Variants in CENPM observed in about 807,000 individuals in gnomAD.
CENPM encodes interphase centromere complex protein 39.
CENPM carries 14 observed loss-of-function variants against 19.6 expected under a neutral mutation model. The ratio of observed to expected loss-of-function variants is 0.71; its 90% confidence interval spans 0.47 to 1.11. The LOEUF (loss-of-function observed/expected upper bound fraction) is 1.11. CENPM is among the 50% of genes most tolerant of loss of function. The pLI, the probability that CENPM is intolerant of heterozygous loss-of-function variation, is 0.00. For synonymous variants in CENPM, 114 were observed against 101.5 expected, an observed-to-expected ratio of 1.12 and a Z score of -0.74; for missense variants, 239 against 228.4, an observed-to-expected ratio of 1.05 and a Z score of -0.30.
the CENPM span, among the ~76,000 whole-genome samples, chr22:41,931,031 T>C: frequency 6.6e-6 from 1 of 151,454 alleles, no homozygotes; most frequent in Non-Finnish European, 1.5e-5. Flanking sequence ...AGACGGGGCT[T>C]CACCATGTTG....
chr22:41,946,285 C>T (rs1761346641), intron 2 of CENPM, 132 bp downstream of exon 2: 1 of 796,644 alleles, frequency 1.3e-6, no homozygotes, highest in Non-Finnish European at 2.1e-6. Context: ...TGGGACTAGC[C>T]AGCTACGCTG....
chr22:41,928,871 T>C, the CENPM span, among the ~76,000 whole-genome samples: 19 of 148,024 alleles, frequency 1.3e-4, no homozygotes, highest in African/African-American at 4.6e-4. This position sits in a 1 kb window ranked among gnomAD's most constrained non-coding sequence, Gnocchi z 4.0. Context: ...CAGGGGATGA[T>C]GCAGCGGCTG....
chr22:41,935,043 T>G (rs1353979715), downstream of CENPM, among the ~76,000 whole-genome samples: 1 of 152,220 alleles, frequency 6.6e-6, no homozygotes, highest in Non-Finnish European at 1.5e-5. Context: ...GTGGCTCAGC[T>G]CTGCTGTGAG....
At chr22:41,945,510 G>T in intron 3 of CENPM, 1 of 1,053,662 alleles carries the variant, frequency 9.5e-7, no homozygotes, top group Non-Finnish European at 1.3e-6. Context: ...GAGTGCAGTA[G>T]CGCGATCTTG....
chr22:41,946,923 C>T (rs1602395751), intron 1 of CENPM, 97 bp downstream of exon 1: 6 of 1,262,786 alleles, frequency 4.8e-6, no homozygotes, highest in Non-Finnish European at 6.9e-6. Flanking sequence ...CGGTAGCGCG[C>T]GCTGGCTTGG....
downstream of CENPM, among the ~76,000 whole-genome samples, chr22:41,934,210 G>T (rs1041815883): frequency 2.6e-5 from 4 of 152,214 alleles, no homozygotes; most frequent in African/African-American, 9.6e-5. Flanking sequence ...TGCTAGGAAG[G>T]TCCTGCCTCC....
chr22:41,938,735 A>G, downstream of CENPM: 1 of 269,620 alleles, frequency 3.7e-6, no homozygotes, highest in Non-Finnish European at 7.0e-6. Context: ...GAATGAGACC[A>G]GTGATTTTTA....
At chr22:41,940,005 C>T in intron 5 of CENPM, 1 of 615,524 alleles carries the variant, frequency 1.6e-6, no homozygotes, top group Non-Finnish European at 3.0e-6. Flanking sequence ...AGTCAGGCCA[C>T]ATCCCTCCCT....
intron 4 of CENPM, chr22:41,944,644 T>C: frequency 1.0e-6 from 1 of 982,714 alleles, no homozygotes; most frequent in Non-Finnish European, 1.2e-6. Flanking sequence ...ATGTCAGCCA[T>C]TATTATTTTC....
chr22:41,944,618 A>G, intron 4 of CENPM: 4 of 946,962 alleles, frequency 4.2e-6, no homozygotes, highest in Non-Finnish European at 5.0e-6. Flanking sequence ...TCTGCCTCAC[A>G]GTGACAGCTC....
chr22:41,943,123 C>T (rs1024478543), intron 5 of CENPM, among the ~76,000 whole-genome samples: 5 of 148,778 alleles, frequency 3.4e-5, no homozygotes, highest in Middle Eastern at 3.2e-3. Context: ...TGGGGTGGGA[C>T]GAGACAAGAT....
At chr22:41,946,836 T>C (rs1232890648) in intron 1 of CENPM, 184 bp downstream of exon 1, 2 of 628,216 alleles carry the variant, frequency 3.2e-6, no homozygotes, top group Non-Finnish European at 2.9e-6. Flanking sequence ...TATTGGTGGG[T>C]GCGTCCCTCA....
rs1240071388 is a variant in CENPM at position 41,946,494 on chromosome 22, C to A, written c.60G>T (p.Leu20=). ...GCAGAAGAGCATCCTCCGTGCCCAC[C>A]AGCTGCGCAGGGAGAGAGAGCGGAC... is the stretch of plus-strand genomic sequence containing the variant. ...LPGLNTATIL[L]VGTEDALLQQ... Residue 20 remains leucine (L), a splice_region_variant and synonymous_variant, in exon 2 of 6, where the codon CTG becomes CTT. Transcript: ENST00000215980. 6.2e-7 allele frequency: 1 copy of A among 1,613,054 alleles called. No individual in the cohort carries two copies. The highest frequency in any genetic ancestry group is 1.7e-5 in the Admixed American group (1 of 60,012).
chr22:41,939,886 G>GAAAGAA (rs1602385864), intron 5 of CENPM, among the ~76,000 whole-genome samples: 5 of 105,034 alleles, frequency 4.8e-5, no homozygotes, highest in East Asian at 2.8e-4. Context: ...GAAAAAGAAA[G>GAAAGAA]AAAGAAAGAA....
At chr22:41,944,779 T>C (rs530289090) in intron 4 of CENPM, 3 of 1,000,726 alleles carry the variant, frequency 3.0e-6, no homozygotes, top group Non-Finnish European at 3.6e-6. Context: ...TGCAAAGTGT[T>C]TTATGTCTTT....
At chr22:41,934,804 G>A (rs554804733), downstream of CENPM, among the ~76,000 whole-genome samples, 2 of 152,286 alleles carry the variant, frequency 1.3e-5, no homozygotes, top group East Asian at 1.9e-4. Flanking sequence ...CTGAGGTCAC[G>A]CCACCAAGCA....
chr22:41,928,212 C>A, the CENPM span: 2 of 386,288 alleles, frequency 5.2e-6, no homozygotes, highest in South Asian at 2.0e-5. The surrounding 1 kb of genome is among the most constrained non-coding windows in gnomAD (Gnocchi z 4.0). Flanking sequence ...GAGGGAAGCC[C>A]GCCCACACCT....
chr22:41,938,710 C>G (rs1376029576), downstream of CENPM: 1 of 217,682 alleles, frequency 4.6e-6, no homozygotes, highest in East Asian at 1.0e-4. Flanking sequence ...TCCTCATCTA[C>G]AAAGTCAAAG....
chr22:41,931,929 C>T, the CENPM span, among the ~76,000 whole-genome samples: 1 of 152,254 alleles, frequency 6.6e-6, no homozygotes, highest in Non-Finnish European at 1.5e-5. Flanking sequence ...TACCTGAACA[C>T]GTGCTCAGGA....
Sources: gnomAD v4.1 joint callset for allele counts (sites outside exome capture counted in the v4.1 genomes callset) on GRCh38, gnomAD v4.1.1 for gene constraint, Gnocchi (gnomAD v3.1) non-coding constraint, MANE v1.5 for transcripts, NCBI Gene and HGNC (gene_info 2026-07-23, HGNC 2026-07-21) for gene names.